Variants in FGF14 observed in about 807,000 individuals in gnomAD.
The protein encoded by FGF14 is fibroblast growth factor homologous factor 4.
A neutral mutation model predicts 25.5 loss-of-function variants in FGF14; 5 were observed. That is an observed-to-expected ratio of 0.20 (90% CI 0.10 to 0.41). The LOEUF (loss-of-function observed/expected upper bound fraction) is 0.41. FGF14 is among the 10% of genes least tolerant of loss of function. The pLI is 1.00. For missense variants in FGF14, 222 were observed against 320.1 expected (o/e 0.69, Z 2.34); for synonymous variants, 138 against 118.3 (o/e 1.17, Z -1.08).
chr13:102,169,726 G>A (rs2048169294), intron 1 of FGF14, among the ~76,000 whole-genome samples: 1 of 151,946 alleles, frequency 6.6e-6, no homozygotes, highest in South Asian at 2.1e-4. Context: ...AATTTAATTG[G>A]ATAACCTTTA....
At chr13:102,111,318 C>T (rs2045213499) in intron 1 of FGF14, among the ~76,000 whole-genome samples, 1 of 152,246 alleles carries the variant, frequency 6.6e-6, no homozygotes, top group Non-Finnish European at 1.5e-5. Flanking sequence ...AGCCTCAAAA[C>T]TTAGCCTAGT....
At chr13:102,281,607 T>C (rs1032569077) in intron 1 of FGF14, among the ~76,000 whole-genome samples, 1 of 152,170 alleles carries the variant, frequency 6.6e-6, no homozygotes, top group East Asian at 1.9e-4. Context: ...AAGTGTAGTC[T>C]TGTCATAAAA....
chr13:102,207,459 T>C (rs114267919), intron 1 of FGF14, among the ~76,000 whole-genome samples: 1,650 of 151,592 alleles, frequency 0.011, 26 homozygotes, highest in African/African-American at 0.037. Context: ...GCCATATTTA[T>C]AAACAAGCAA....
chr13:101,907,255 C>T (rs1467468365), intron 1 of FGF14, among the ~76,000 whole-genome samples: 1 of 152,028 alleles, frequency 6.6e-6, no homozygotes, highest in African/African-American at 2.4e-5. Context: ...TCTAATGGTA[C>T]CCGAATACCA....
intron 1 of FGF14, among the ~76,000 whole-genome samples, chr13:101,978,136 G>T (rs548976905): frequency 6.6e-6 from 1 of 152,150 alleles, no homozygotes; most frequent in Non-Finnish European, 1.5e-5. Context: ...AAAAATTGGG[G>T]TGCTTTTTTG....
In FGF14 at chr13:101,714,149, T is replaced by C; in HGVS notation, c.*8682A>G. ...GAATACTTTTTTGGAAGACCATCTATAAGAATCAACCCCATCCTGCTCTCA... is the reference window on the plus strand; with the variant it reads ...GAATACTTTTTTGGAAGACCATCTACAAGAATCAACCCCATCCTGCTCTCA... On this transcript the variant is annotated 3_prime_UTR_variant, in exon 5 of 5. Transcript: ENST00000376143. 3.3e-6 allele frequency: 1 copy of C among 302,328 alleles called. No individual in the cohort carries two copies. Among genetic ancestry groups the C allele is most frequent in the Non-Finnish European group, 6.1e-6 (1 of 165,136 alleles). 18.7% of individuals were successfully genotyped at this position (302,328 alleles called of 1,614,324 possible).
In FGF14 at chr13:101,715,482, G is replaced by T. The variant is rs918454105; in HGVS notation, c.*7349C>A. On this transcript the variant is annotated 3_prime_UTR_variant, in exon 5 of 5. Coordinates refer to ENST00000376143, the MANE Select transcript of FGF14 (RefSeq NM_004115.4). ...GGATGAATGAAATGATTTCATTGTG[G>T]ACACTTGTGATTTATAATAGCATGT... 9 of 927,676 alleles carry T rather than the reference G, an allele frequency of 9.7e-6. No individual in the cohort carries two copies. The highest frequency in any genetic ancestry group is 4.8e-5 in the East Asian group (2 of 41,386). 57.5% of individuals were successfully genotyped at this position (927,676 alleles called of 1,614,324 possible).
chr13:102,363,722 C>T (rs1230479651), intron 1 of FGF14, among the ~76,000 whole-genome samples: 5 of 152,214 alleles, frequency 3.3e-5, no homozygotes, highest in Admixed American at 2.6e-4. Context: ...CTGCCTGTGA[C>T]CGCTGTTGGG....
At chr13:102,255,678 C>T (rs2052402965) in intron 1 of FGF14, among the ~76,000 whole-genome samples, 1 of 152,138 alleles carries the variant, frequency 6.6e-6, no homozygotes, top group Non-Finnish European at 1.5e-5. Flanking sequence ...AGGAATTCTG[C>T]TTCTGGGGGG....
chr13:102,311,406 T>G (rs2055759797), intron 1 of FGF14, among the ~76,000 whole-genome samples: 1 of 152,100 alleles, frequency 6.6e-6, no homozygotes, highest in Non-Finnish European at 1.5e-5. Flanking sequence ...TCAATGATTC[T>G]CCCCAAGAAA....
At chr13:101,857,880 TA>T (rs1361824078) in intron 3 of FGF14, among the ~76,000 whole-genome samples, 1 of 151,676 alleles carries the variant, frequency 6.6e-6, no homozygotes. Context: ...ACAAACAACA[TA>T]AAAAAGAAAA....
chr13:102,246,452 C>T (rs1170952375), intron 1 of FGF14, among the ~76,000 whole-genome samples: 7 of 151,956 alleles, frequency 4.6e-5, no homozygotes. Context: ...ACTTATATCC[C>T]AACGCCATGC....
intron 1 of FGF14, among the ~76,000 whole-genome samples, chr13:102,303,897 G>T (rs2138598765): frequency 6.6e-6 from 1 of 152,278 alleles, no homozygotes; most frequent in South Asian, 2.1e-4. Flanking sequence ...GATTCAAAAA[G>T]CTGTGTAGCT....
chr13:101,804,673 C>CAT (rs141106237), intron 3 of FGF14, among the ~76,000 whole-genome samples: 8,626 of 150,660 alleles, frequency 0.057, 264 homozygotes, highest in Middle Eastern at 0.079. Context: ...ATACAAAATA[C>CAT]ATATATATAT....
chr13:102,136,132 A>G (rs2140434141), intron 1 of FGF14, among the ~76,000 whole-genome samples: 1 of 152,240 alleles, frequency 6.6e-6, no homozygotes, highest in African/African-American at 2.4e-5. Flanking sequence ...TTAAAATTTA[A>G]TGCTCCATTC....
intron 1 of FGF14, among the ~76,000 whole-genome samples, chr13:102,188,623 T>C (rs973611211): frequency 2.0e-5 from 3 of 152,046 alleles, no homozygotes; most frequent in Non-Finnish European, 4.4e-5. Context: ...TTTTAATATA[T>C]TGGTGCCAGA....
At chr13:101,989,346 C>T (rs1194206475) in intron 1 of FGF14, among the ~76,000 whole-genome samples, 1 of 151,974 alleles carries the variant, frequency 6.6e-6, no homozygotes, top group East Asian at 1.9e-4. Context: ...ATTCACCTCC[C>T]ACATGCAAAA....
At chr13:102,048,620 G>A (rs937625320) in intron 1 of FGF14, among the ~76,000 whole-genome samples, 15 of 152,256 alleles carry the variant, frequency 9.9e-5, no homozygotes, top group African/African-American at 3.6e-4. Flanking sequence ...AATACTTAGT[G>A]CCACGTAAGT....
intron 1 of FGF14, among the ~76,000 whole-genome samples, chr13:102,108,905 C>G (rs1056893917): frequency 5.3e-5 from 8 of 152,176 alleles, no homozygotes; most frequent in African/African-American, 1.7e-4. Flanking sequence ...GTTACTTCAT[C>G]TTTTATACGT....
Sources: allele counts gnomAD v4.1 joint callset (sites outside exome capture counted in the v4.1 genomes callset), GRCh38; gene constraint gnomAD v4.1.1; transcripts MANE v1.5; gene names NCBI Gene and HGNC (gene_info 2026-07-23, HGNC 2026-07-21).